Variants in UNC5D observed in about 807,000 individuals in gnomAD.
UNC5D encodes the protein unc-5 netrin receptor D.
In UNC5D, 39 loss-of-function variants were observed where a neutral mutation model predicts 105.4. The ratio of observed to expected loss-of-function variants is 0.37; its 90% CI spans 0.29 to 0.48. The LOEUF (loss-of-function observed/expected upper bound fraction) is 0.48. Ranked by LOEUF, UNC5D falls within the 20% of genes least tolerant of loss-of-function variation. UNC5D has a pLI of 0.98. For missense variants in UNC5D, 991 were observed against 1,202.4 expected (o/e 0.82, Z 2.60); for synonymous variants, 452 against 450.4 (o/e 1.00, Z -0.04).
chr8:35,507,892 T>C (rs1374182251), intron 1 of UNC5D, among the ~76,000 whole-genome samples: 4 of 152,042 alleles, frequency 2.6e-5, no homozygotes, highest in African/African-American at 4.8e-5. Flanking sequence ...ATACCTACTA[T>C]ATGCCATAAA....
At chr8:35,290,650 A>T (rs1806980008) in intron 1 of UNC5D, among the ~76,000 whole-genome samples, 2 of 152,072 alleles carry the variant, frequency 1.3e-5, no homozygotes, top group South Asian at 2.1e-4. Context: ...TATTAATTTT[A>T]AAAAAAGAAG....
At chr8:35,438,977 G>A (rs1031610650) in intron 1 of UNC5D, among the ~76,000 whole-genome samples, 9 of 151,972 alleles carry the variant, frequency 5.9e-5, no homozygotes, top group Admixed American at 2.6e-4. Flanking sequence ...AGAGATGGAC[G>A]CAGGGGGCCA....
At chr8:35,718,009 A>G (rs753959247) in intron 8 of UNC5D, among the ~76,000 whole-genome samples, 21 of 152,072 alleles carry the variant, frequency 1.4e-4, no homozygotes, top group Non-Finnish European at 2.4e-4. Flanking sequence ...CCTTCCAGCC[A>G]TGAGCACATT....
At chr8:35,728,275 T>C (rs1828998220) in intron 10 of UNC5D, among the ~76,000 whole-genome samples, 1 of 151,906 alleles carries the variant, frequency 6.6e-6, no homozygotes, top group Admixed American at 6.6e-5. Flanking sequence ...TCTTAGTGTA[T>C]GTATGTGTGT....
rs536929250 is a variant in UNC5D, at chr8:35,287,808, A to G, written c.103+51921A>G. Among the ~76,000 whole-genome samples, 7 of 152,214 alleles carry G rather than the reference A, an allele frequency of 4.6e-5. 1 individual carries two copies. Among genetic ancestry groups the G allele is most frequent in the African/African-American group, 1.7e-4 (7 of 41,536 alleles). On this transcript the variant is annotated intron_variant, in intron 1 of 16. Coordinates refer to ENST00000404895, the MANE Select transcript of UNC5D (RefSeq NM_080872.4). The stretch of plus-strand genomic sequence containing the variant: ...GACAGAGTGAGACCCTGTCTCAAAA[A>G]AAATGACTAAATAATAAATAAATAA...
chr8:35,544,731 TA>T (rs1815527455), intron 1 of UNC5D, among the ~76,000 whole-genome samples: 1 of 150,884 alleles, frequency 6.6e-6, no homozygotes, highest in South Asian at 2.1e-4. Flanking sequence ...GCCTCCTGAG[TA>T]GCTGGGATTA....
At chr8:35,357,834 T>A (rs1371565951) in intron 1 of UNC5D, among the ~76,000 whole-genome samples, 1 of 152,150 alleles carries the variant, frequency 6.6e-6, no homozygotes, top group African/African-American at 2.4e-5. Context: ...ATTGAGAACA[T>A]GCTTTTGCTG....
Position 35,546,635 on chromosome 8 carries a change from T to C in UNC5D, c.104-2657T>C, listed in dbSNP as rs555956231. Among the ~76,000 whole-genome samples, 9 of 152,340 alleles carry C rather than the reference T, an allele frequency of 5.9e-5. No homozygotes were observed. The South Asian group carries it at 1.7e-3, about 28-fold the overall frequency. ...TAGGAGTGTAAGCAGTTGATGCTCA[T>C]ATAAAATCTTTTAATACTTTTGTCA... On this transcript the variant is annotated intron_variant, in intron 1 of 16. Transcript: ENST00000404895.
At chr8:35,455,468 G>T (rs564231223) in intron 1 of UNC5D, among the ~76,000 whole-genome samples, 1 of 151,650 alleles carries the variant, frequency 6.6e-6, no homozygotes, top group Non-Finnish European at 1.5e-5. Flanking sequence ...TAGTAGAGAC[G>T]GGGTTTTGCC....
chr8:35,600,568 C>T (rs1376887910), intron 4 of UNC5D, among the ~76,000 whole-genome samples: 4 of 152,160 alleles, frequency 2.6e-5, no homozygotes, highest in African/African-American at 4.8e-5. Context: ...AGCATTTTTT[C>T]GTGTGTCTTT....
rs113630449 is a variant in UNC5D at position 35,344,875 on chromosome 8, C to T, written c.103+108988C>T. On this transcript the variant is annotated intron_variant, in intron 1 of 16. Transcript: ENST00000404895. ...TTTAAGAAGCACACGTTTATAAAAT[C>T]GTGAGATGACTTTCTTGTCATAATA... Among the ~76,000 whole-genome samples, 5 of 151,924 alleles carry T rather than the reference C, an allele frequency of 3.3e-5. No individual in the cohort carries two copies. The South Asian group carries it at 8.3e-4, about 25-fold the overall frequency.
At chr8:35,715,983 G>A (rs1039448724) in intron 8 of UNC5D, among the ~76,000 whole-genome samples, 2 of 152,120 alleles carry the variant, frequency 1.3e-5, no homozygotes, top group African/African-American at 4.8e-5. Context: ...CATAGAATGT[G>A]AATATAATAA....
intron 4 of UNC5D, among the ~76,000 whole-genome samples, chr8:35,612,846 A>G (rs986982774): frequency 6.7e-6 from 1 of 149,402 alleles, no homozygotes; most frequent in African/African-American, 2.5e-5. Flanking sequence ...ATGTTTTCCA[A>G]TGTTTGGGGA....
chr8:35,480,241 A>T (rs1810391670), intron 1 of UNC5D, among the ~76,000 whole-genome samples: 1 of 152,236 alleles, frequency 6.6e-6, no homozygotes, highest in Non-Finnish European at 1.5e-5. Context: ...ACCTCTAATG[A>T]AAAGAGAAGC....
intron 1 of UNC5D, among the ~76,000 whole-genome samples, chr8:35,314,801 A>G (rs566915619): frequency 1.3e-5 from 2 of 152,190 alleles, no homozygotes; most frequent in Admixed American, 6.6e-5. Flanking sequence ...AGGAGCTTGT[A>G]AAATGGTGTA....
intron 1 of UNC5D, among the ~76,000 whole-genome samples, chr8:35,362,453 T>G (rs1418732519): frequency 6.6e-6 from 1 of 152,166 alleles, no homozygotes; most frequent in African/African-American, 2.4e-5. Flanking sequence ...CATTTCCATA[T>G]TTAGCTTTCT....
At chr8:35,652,077 T>A (rs1026923000) in intron 4 of UNC5D, among the ~76,000 whole-genome samples, 1 of 152,206 alleles carries the variant, frequency 6.6e-6, no homozygotes, top group East Asian at 1.9e-4. Context: ...CCATGCCAAG[T>A]TGCTCTTATA....
intron 7 of UNC5D, among the ~76,000 whole-genome samples, chr8:35,699,582 C>G (rs1827035132): frequency 6.6e-6 from 1 of 152,184 alleles, no homozygotes; most frequent in African/African-American, 2.4e-5. Flanking sequence ...AGTGATTTCT[C>G]TAACCGACAT....
intron 1 of UNC5D, among the ~76,000 whole-genome samples, chr8:35,431,116 A>G (rs570187250): frequency 1.3e-5 from 2 of 152,346 alleles, no homozygotes; most frequent in Admixed American, 1.3e-4. Flanking sequence ...TAAACTGTTA[A>G]TAAGATAAAC....
Sources: gnomAD v4.1 joint callset for allele counts (sites outside exome capture counted in the v4.1 genomes callset) on GRCh38, gnomAD v4.1.1 for gene constraint, MANE v1.5 for transcripts, NCBI Gene and HGNC (gene_info 2026-07-23, HGNC 2026-07-21) for gene names.